ERBB4: variants seen among roughly 807,000 people sequenced by gnomAD.
ERBB4 encodes receptor tyrosine-protein kinase erbB-4.
In ERBB4, 42 loss-of-function variants were observed where a neutral mutation model predicts 158.0. That is an observed-to-expected ratio of 0.27 (90% CI 0.21 to 0.34). The LOEUF (loss-of-function observed/expected upper bound fraction) is 0.34. Among genes scored for constraint, ERBB4 ranks in the 10% least tolerant of loss-of-function variants. The probability of loss-of-function intolerance (pLI) is 1.00; values close to 1 mark genes in which losing one functional copy is unlikely to be tolerated. For missense variants in ERBB4, 1,333 were observed against 1,624.1 expected (o/e 0.82, Z 3.08); for synonymous variants, 583 against 558.7 (o/e 1.04, Z -0.61).
chr2:211,418,066 A>G lies in ERBB4; in HGVS notation c.3135+2375T>C, dbSNP rs573258791. ...TCTTAATTAGTGCGCAGTGGAGCCT[A>G]TATTTTCAAAATGCATTATTTTTTT... On this transcript the variant is annotated intron_variant, in intron 25 of 27. Transcript: ENST00000342788. Among the ~76,000 whole-genome samples, 10 of 145,692 alleles carry G rather than the reference A, an allele frequency of 6.9e-5. No homozygotes were observed. In the East Asian group the frequency reaches 2.0e-3, roughly 29 times the overall value.
chr2:212,421,469 G>C (rs374980332), intron 1 of ERBB4, among the ~76,000 whole-genome samples: 22 of 151,950 alleles, frequency 1.4e-4, no homozygotes, highest in African/African-American at 5.3e-4. Flanking sequence ...ATCTAGTCTT[G>C]TTTTCTATAT....
At position 212,426,450 on chromosome 2, in the gene ERBB4, C is replaced by A. The variant is rs2091914921; in HGVS notation, c.82+111999G>T. On this transcript the variant is annotated intron_variant, in intron 1 of 27. Coordinates refer to ENST00000342788, the MANE Select transcript of ERBB4 (RefSeq NM_005235.3). Reference sequence around the variant, plus strand: ...CAAGTGTCTTAGTAATTTCTTGCAGCTGAAATAGAGAAGCTGATATTTTTA... The same window carrying A: ...CAAGTGTCTTAGTAATTTCTTGCAGATGAAATAGAGAAGCTGATATTTTTA... 4 of 405,678 alleles carry A rather than the reference C, an allele frequency of 9.9e-6. No individual in the cohort carries two copies. In the East Asian group the frequency reaches 2.8e-4, roughly 29 times the overall value. The allele number at this position is 405,678 out of a possible 1,614,324, so 25.1% of individuals were successfully genotyped here.
chr2:212,263,278 A>G (rs1040835048), intron 1 of ERBB4, among the ~76,000 whole-genome samples: 3 of 152,090 alleles, frequency 2.0e-5, no homozygotes, highest in African/African-American at 7.2e-5. Flanking sequence ...CAGAACTGTG[A>G]GAGAACAAAT....
chr2:211,967,497 G>A (rs6707590), intron 2 of ERBB4, among the ~76,000 whole-genome samples: 33,694 of 151,862 alleles, frequency 0.22, 3,940 homozygotes, highest in East Asian at 0.39. Context: ...TAAGTGTGGT[G>A]GATAAAATGA....
intron 1 of ERBB4, among the ~76,000 whole-genome samples, chr2:212,369,670 A>G (rs1189374648): frequency 6.6e-6 from 1 of 152,078 alleles, no homozygotes; most frequent in Non-Finnish European, 1.5e-5. Context: ...GTCTAGTAAT[A>G]AATGATTTTG....
At chr2:211,688,795 T>C (rs2072679160) in intron 12 of ERBB4, among the ~76,000 whole-genome samples, 1 of 152,156 alleles carries the variant, frequency 6.6e-6, no homozygotes, top group African/African-American at 2.4e-5. Flanking sequence ...TTGTAGTTAT[T>C]TTAAATAACA....
chr2:211,673,019 T>A, intron 14 of ERBB4, 145 bp downstream of exon 14: 1 of 700,744 alleles, frequency 1.4e-6, no homozygotes, highest in Non-Finnish European at 2.6e-6. Flanking sequence ...CTACTAAACT[T>A]TAAGCCTCTT....
At position 211,511,118 on chromosome 2, in the gene ERBB4, T is replaced by G. The variant is rs183984196; in HGVS notation, c.2487+50785A>C. On this transcript the variant is annotated intron_variant, in intron 20 of 27. Transcript: ENST00000342788. ...CCAAGTTAATTATCAAATCAATGTA[T>G]TAGTATATTAAACTGCCTACTTAAG... Among the ~76,000 whole-genome samples, 156 of 152,094 alleles carry G rather than the reference T, an allele frequency of 1.0e-3. 3 individuals carry two copies. The highest frequency in any genetic ancestry group is 1.4e-3 in the Non-Finnish European group (98 of 67,906).
In ERBB4 at chr2:211,624,035, G is replaced by T. The variant is rs2125858648; in HGVS notation, c.2089C>A (p.Pro697Thr). ...GGTGCTGTGCCACTGGGAGTTAATGGTTCCACCAACTGCAAAGCGGAAAGA... is the reference window on the plus strand; with the variant it reads ...GGTGCTGTGCCACTGGGAGTTAATGTTTCCACCAACTGCAAAGCGGAAAGA... Reference protein sequence around the residue: ...RRFLETELVEPLTPSGTAPNQ... With the variant: ...RRFLETELVETLTPSGTAPNQ... The change falls in exon 18 of 28, where the codon CCA becomes ACA. Residue 697 changes from proline to threonine, a missense_variant. Coordinates refer to ENST00000342788, the MANE Select transcript of ERBB4 (RefSeq NM_005235.3). The T allele has an allele frequency of 6.2e-7, 1 of 1,614,002 alleles. No individual in the cohort carries two copies. The highest frequency in any genetic ancestry group is 8.5e-7 in the Non-Finnish European group (1 of 1,179,950).
chr2:211,662,030 C>A (rs1219926573), intron 15 of ERBB4, among the ~76,000 whole-genome samples: 2 of 79,288 alleles, frequency 2.5e-5, no homozygotes, highest in Non-Finnish European at 4.3e-5. Flanking sequence ...CAGAGCGGGA[C>A]TCCGTCTCAA....
chr2:212,256,031 A>T (rs1482514423), intron 1 of ERBB4, among the ~76,000 whole-genome samples: 1 of 144,468 alleles, frequency 6.9e-6, no homozygotes, highest in Non-Finnish European at 1.5e-5. Flanking sequence ...GGGGGGTCTC[A>T]CTCTGTTACC....
At chr2:211,599,190 GA>G (rs1473947414) in intron 19 of ERBB4, among the ~76,000 whole-genome samples, 1 of 152,134 alleles carries the variant, frequency 6.6e-6, no homozygotes, top group Non-Finnish European at 1.5e-5. Flanking sequence ...TGAGCTTTAA[GA>G]AAAGTCTTTA....
At chr2:211,931,624 G>GA (rs61246270) in intron 3 of ERBB4, among the ~76,000 whole-genome samples, 8,934 of 150,216 alleles carry the variant, frequency 0.059, 481 homozygotes, top group African/African-American at 0.15. Flanking sequence ...AGGAAAGAAA[G>GA]AAAAAAAAAC....
At chr2:212,357,406 A>T (rs574484402) in intron 1 of ERBB4, among the ~76,000 whole-genome samples, 1 of 152,018 alleles carries the variant, frequency 6.6e-6, no homozygotes, top group Non-Finnish European at 1.5e-5. Context: ...GACTTTAAAA[A>T]TAGATTCGAA....
At chr2:212,115,837 G>A (rs1278944625) in intron 2 of ERBB4, among the ~76,000 whole-genome samples, 2 of 151,974 alleles carry the variant, frequency 1.3e-5, no homozygotes, top group Non-Finnish European at 2.9e-5. Flanking sequence ...ATTAAGACAA[G>A]CCTATAAATT....
intron 1 of ERBB4, among the ~76,000 whole-genome samples, chr2:212,165,960 T>C (rs1228803627): frequency 6.6e-6 from 1 of 152,082 alleles, no homozygotes; most frequent in East Asian, 1.9e-4. Flanking sequence ...ATAGTAACTA[T>C]GTTACAACAA....
chr2:211,914,879 G>T (rs938944538), intron 3 of ERBB4, among the ~76,000 whole-genome samples: 1 of 152,044 alleles, frequency 6.6e-6, no homozygotes, highest in African/African-American at 2.4e-5. Flanking sequence ...GGGGAAAGCA[G>T]AACAGAGGAG....
chr2:211,488,387 A>C (rs2065258965), intron 20 of ERBB4, among the ~76,000 whole-genome samples: 1 of 152,050 alleles, frequency 6.6e-6, no homozygotes, highest in Non-Finnish European at 1.5e-5. Flanking sequence ...TTAGATCTTT[A>C]AGCTTCATGA....
chr2:211,758,899 G>T (rs1275469753), intron 4 of ERBB4, among the ~76,000 whole-genome samples: 3 of 152,136 alleles, frequency 2.0e-5, no homozygotes, highest in African/African-American at 4.8e-5. Context: ...TCCAAAATTT[G>T]TATGTCCAGT....
Sources: gnomAD v4.1 joint callset for allele counts (sites outside exome capture counted in the v4.1 genomes callset) on GRCh38, gnomAD v4.1.1 for gene constraint, MANE v1.5 for transcripts, NCBI Gene and HGNC (gene_info 2026-07-23, HGNC 2026-07-21) for gene names.